DPP6: variants seen among roughly 807,000 people sequenced by gnomAD.
DPP6 encodes dipeptidyl peptidase like 6.
Under a neutral mutation model 122.6 loss-of-function variants are expected in DPP6, and 69 were observed. The ratio of observed to expected loss-of-function variants is 0.56; its 90% CI spans 0.46 to 0.69. The LOEUF (loss-of-function observed/expected upper bound fraction) is 0.69. Among genes scored for constraint, DPP6 ranks in the 30% least tolerant of loss-of-function variants. The pLI, the probability that DPP6 is intolerant of heterozygous loss-of-function variation, is 0.00. For synonymous variants in DPP6, 418 were observed against 433.1 expected (o/e 0.97, Z 0.43); for missense variants, 928 against 1,116.9 (o/e 0.83, Z 2.41).
At chr7:153,773,239 G>A in the DPP6 span, among the ~76,000 whole-genome samples, 1 of 137,952 alleles carries the variant, frequency 7.2e-6, no homozygotes, top group Non-Finnish European at 1.6e-5. Flanking sequence ...CTCAGTTGTG[G>A]TTACAGACTG....
At chr7:154,530,257 C>A (rs1331116476) in intron 3 of DPP6, among the ~76,000 whole-genome samples, 1 of 151,826 alleles carries the variant, frequency 6.6e-6, no homozygotes, top group African/African-American at 2.4e-5. Context: ...AATTAAAATT[C>A]TAGGAGAGAA....
At chr7:154,527,952 GAGTT>G (rs1473224378) in intron 3 of DPP6, among the ~76,000 whole-genome samples, 4 of 151,212 alleles carry the variant, frequency 2.6e-5, no homozygotes, top group South Asian at 2.1e-4. Flanking sequence ...ATTGTTGAGA[GAGTT>G]AGAAAAAATA....
At chr7:153,806,218 G>C in the DPP6 span, among the ~76,000 whole-genome samples, 3 of 151,660 alleles carry the variant, frequency 2.0e-5, no homozygotes, top group Non-Finnish European at 4.4e-5. Context: ...CCTGACACCT[G>C]GCTCACTGAC....
At chr7:154,637,774 C>A (rs549008113) in intron 5 of DPP6, 47 bp from the exon 6 acceptor site, 1 of 1,526,420 alleles carries the variant, frequency 6.6e-7, no homozygotes, top group Non-Finnish European at 8.8e-7. Context: ...ATCATCGTAA[C>A]AGCCTTTGTC....
At chr7:154,648,880 C>T (rs967210782) in intron 6 of DPP6, among the ~76,000 whole-genome samples, 91 of 151,228 alleles carry the variant, frequency 6.0e-4, no homozygotes, top group African/African-American at 2.0e-3. Context: ...GATCATGCCA[C>T]TGCACTCCAG....
chr7:153,905,683 C>A (rs1207604377), intron 1 of DPP6, among the ~76,000 whole-genome samples: 1 of 151,956 alleles, frequency 6.6e-6, no homozygotes, highest in African/African-American at 2.4e-5. Context: ...TAAAATGAAA[C>A]CTGGGTATCT....
intron 8 of DPP6, among the ~76,000 whole-genome samples, chr7:154,765,420 G>A (rs1449971897): frequency 6.6e-6 from 1 of 152,170 alleles, no homozygotes; most frequent in East Asian, 1.9e-4. Context: ...AATAATAGTG[G>A]TGGTCACCTC....
At chr7:154,502,890 AAG>A (rs1825369056) in intron 3 of DPP6, among the ~76,000 whole-genome samples, 1 of 152,148 alleles carries the variant, frequency 6.6e-6, no homozygotes, top group Non-Finnish European at 1.5e-5. Context: ...CAACATGCAA[AAG>A]AGTCTTTTAA....
At chr7:154,666,609 T>C in intron 6 of DPP6, among the ~76,000 whole-genome samples, 1 of 152,174 alleles carries the variant, frequency 6.6e-6, no homozygotes, top group Non-Finnish European at 1.5e-5. Flanking sequence ...TTATTCCTCC[T>C]GTCTAACTGA....
At chr7:154,177,724 C>T (rs941783436) in intron 1 of DPP6, among the ~76,000 whole-genome samples, 1 of 152,184 alleles carries the variant, frequency 6.6e-6, no homozygotes, top group Non-Finnish European at 1.5e-5. Flanking sequence ...ACCCAGGTTT[C>T]TTTGTGATGT....
At chr7:154,757,153 A>C (rs4960607) in intron 8 of DPP6, among the ~76,000 whole-genome samples, 83,205 of 137,610 alleles carry the variant, frequency 0.6, 24,359 homozygotes, top group African/African-American at 0.77. Context: ...TCCCTCACGT[A>C]CCCTGAGGAA....
intron 1 of DPP6, chr7:154,093,658 A>ACACACACACACACACACACAT (rs1417579866): frequency 2.2e-5 from 3 of 137,874 alleles, no homozygotes; most frequent in Non-Finnish European, 3.3e-5. Context: ...ACACACACAT[A>ACACACACACACACACACACAT]AAAAAAAACT....
intron 1 of DPP6, among the ~76,000 whole-genome samples, chr7:154,063,073 GC>G (rs1802254245): frequency 7.6e-6 from 1 of 131,320 alleles, no homozygotes; most frequent in Admixed American, 7.8e-5. Flanking sequence ...GGGACTGAGA[GC>G]TATCCCCTCT....
intron 1 of DPP6, among the ~76,000 whole-genome samples, chr7:154,089,580 G>T (rs1182060845): frequency 1.6e-5 from 2 of 125,636 alleles, no homozygotes; most frequent in African/African-American, 6.0e-5. Context: ...CAGGTGACTT[G>T]CACTAATCAG....
Position 154,309,279 on chromosome 7 carries a change from G to A in DPP6, c.244-136935G>A, listed in dbSNP as rs374637163. Among the ~76,000 whole-genome samples the A allele has an allele frequency of 2.6e-5, 4 of 152,088 alleles. No individual in the cohort carries two copies. The East Asian group carries it at 5.8e-4, about 22-fold the overall frequency. On this transcript the variant is annotated intron_variant, in intron 1 of 25. Coordinates refer to ENST00000377770, the MANE Select transcript of DPP6 (RefSeq NM_130797.4). ...GTATATGTGACTGCTGTTTTTTGTT[G>A]CTTCTCAGTTTTCTTCAAGTTGTAC...
intron 1 of DPP6, among the ~76,000 whole-genome samples, chr7:154,316,663 G>A (rs1585916048): frequency 6.6e-6 from 1 of 152,332 alleles, no homozygotes; most frequent in Admixed American, 6.5e-5. Flanking sequence ...GTTTGCCTCA[G>A]TTGCCCTCTA....
chr7:154,779,172 C>A, intron 10 of DPP6, among the ~76,000 whole-genome samples: 1 of 147,644 alleles, frequency 6.8e-6, no homozygotes, highest in Admixed American at 6.7e-5. Flanking sequence ...ACTACCTCTA[C>A]CACATCCATC....
chr7:154,040,779 T>C (rs71243488), intron 1 of DPP6, among the ~76,000 whole-genome samples: 5 of 152,188 alleles, frequency 3.3e-5, no homozygotes, highest in African/African-American at 1.2e-4. Flanking sequence ...ACTGTGATTC[T>C]TATTCTGATT....
the DPP6 span, among the ~76,000 whole-genome samples, chr7:153,829,791 G>A: frequency 2.0e-5 from 3 of 152,280 alleles, no homozygotes; most frequent in South Asian, 2.1e-4. Context: ...ACAGGGAGCC[G>A]GAACTGGGTG....
Sources: allele counts gnomAD v4.1 joint callset (sites outside exome capture counted in the v4.1 genomes callset), GRCh38; gene constraint gnomAD v4.1.1; transcripts MANE v1.5; gene names NCBI Gene and HGNC (gene_info 2026-07-23, HGNC 2026-07-21).